Variants in COBLL1 observed in about 807,000 individuals in gnomAD.
The protein encoded by COBLL1 is cordon-bleu WH2 repeat protein like 1, also known as cordon-bleu protein-like 1.
A neutral mutation model predicts 94.8 loss-of-function variants in COBLL1; 50 were observed. The observed-to-expected ratio is 0.53, with a 90% CI of 0.42 to 0.67. COBLL1 has a LOEUF of 0.67. Ranked by LOEUF, COBLL1 falls within the 30% of genes least tolerant of loss-of-function variation. The pLI, the probability that COBLL1 is intolerant of heterozygous loss-of-function variation, is 0.00. For synonymous variants in COBLL1, 448 were observed against 473.8 expected, an observed-to-expected ratio of 0.95 and a Z score of 0.71; for missense variants, 1,362 against 1,348.7, an observed-to-expected ratio of 1.01 and a Z score of -0.15.
At chr2:164,659,456 C>A (rs972294296) in intron 2 of COBLL1, among the ~76,000 whole-genome samples, 1 of 152,326 alleles carries the variant, frequency 6.6e-6, no homozygotes, top group East Asian at 1.9e-4. Context: ...AAGAGTTGCA[C>A]AAGTGTGCAG....
chr2:164,790,181 G>T (rs1034998246), intron 2 of COBLL1, among the ~76,000 whole-genome samples: 3 of 152,118 alleles, frequency 2.0e-5, no homozygotes, highest in Admixed American at 1.3e-4. Context: ...AGAATGGCTG[G>T]CGCCCTCTCC....
rs73968247 is a variant in COBLL1, at chr2:164,761,615, A to G, written c.42-17740T>C. 6.9e-3 allele frequency among the ~76,000 whole-genome samples: 1,044 copies of G among 152,326 alleles called. 13 individuals are homozygous for G. Among genetic ancestry groups the G allele is most frequent in the African/African-American group, 0.023 (969 of 41,580 alleles). ...CAGGCGTCACATATTTAAAATGTCT[A>G]TTATAGGCCTTTATCTATGCTTTTA... is the stretch of plus-strand genomic sequence containing the variant. On this transcript the variant is annotated intron_variant, in intron 2 of 13. Transcript: ENST00000652658.
At chr2:164,705,130 A>G in intron 7 of COBLL1, 25 bp from the exon 8 acceptor site, 1 of 1,488,440 alleles carries the variant, frequency 6.7e-7, no homozygotes, top group Non-Finnish European at 8.9e-7. Context: ...GACCAAATAA[A>G]ATCCTACATT....
chr2:164,743,503 G>T, intron 3 of COBLL1, 184 bp downstream of exon 3: 1 of 556,884 alleles, frequency 1.8e-6, no homozygotes, highest in South Asian at 2.4e-5. Flanking sequence ...TCATAGCACT[G>T]ATATTAAAAC....
At chr2:164,823,174 A>G (rs976529227) in intron 2 of COBLL1, among the ~76,000 whole-genome samples, 15 of 152,182 alleles carry the variant, frequency 9.9e-5, no homozygotes, top group African/African-American at 3.6e-4. Flanking sequence ...AATAAGATTC[A>G]ATCATGTTTT....
intron 1 of COBLL1, among the ~76,000 whole-genome samples, chr2:164,669,923 G>A (rs1161773771): frequency 6.6e-6 from 1 of 152,140 alleles, no homozygotes; most frequent in African/African-American, 2.4e-5. Context: ...TTGTTGTTAC[G>A]TGAGAAACCT....
intron 7 of COBLL1, among the ~76,000 whole-genome samples, chr2:164,721,274 G>A (rs775005944): frequency 6.6e-6 from 1 of 152,046 alleles, no homozygotes; most frequent in Non-Finnish European, 1.5e-5. Flanking sequence ...TGCTCTCAAA[G>A]TTACTTAAAT....
Position 164,680,946 on chromosome 2 carries a change from C to T in COBLL1, c.*5000G>A, listed in dbSNP as rs1683012055. ...ACTATAGAGAAAGGGAGAGAATATACTTTTGCACTACGACTAAGAAAAAAA... is the reference window on the plus strand; with the variant it reads ...ACTATAGAGAAAGGGAGAGAATATATTTTTGCACTACGACTAAGAAAAAAA... On this transcript the variant is annotated 3_prime_UTR_variant, in exon 14 of 14. Coordinates refer to ENST00000652658, the MANE Select transcript of COBLL1 (RefSeq NM_001365672.2). The T allele has an allele frequency of 6.6e-6, 1 of 152,026 alleles. No homozygotes were observed. Among genetic ancestry groups the T allele is most frequent in the Non-Finnish European group, 1.5e-5 (1 of 67,988 alleles). The allele number at this position is 152,026 out of a possible 1,614,324, so 9.4% of individuals were successfully genotyped here. A position where few individuals can be genotyped will look rare whatever the true frequency, so the allele number is the denominator to read the frequency against.
intron 12 of COBLL1, 158 bp from the exon 13 acceptor site, chr2:164,692,555 G>T (rs1683674420): frequency 5.2e-6 from 3 of 581,622 alleles, no homozygotes; most frequent in East Asian, 3.1e-5. Context: ...AATTATCTCT[G>T]CTGCCAGAGC....
At chr2:164,763,665 A>G (rs12616012) in intron 2 of COBLL1, among the ~76,000 whole-genome samples, 8,978 of 152,322 alleles carry the variant, frequency 0.059, 301 homozygotes, top group East Asian at 0.14. Context: ...AAGATCGCAC[A>G]CATTCATGAC....
chr2:164,669,189 C>T (rs1194674727), intron 1 of COBLL1, among the ~76,000 whole-genome samples: 3 of 152,178 alleles, frequency 2.0e-5, no homozygotes, highest in African/African-American at 7.2e-5. Context: ...GGATTTTTAA[C>T]TTAGTTTGGA....
chr2:164,818,097 TAC>T (rs1181072489), intron 2 of COBLL1, among the ~76,000 whole-genome samples: 1 of 151,522 alleles, frequency 6.6e-6, no homozygotes. Flanking sequence ...TATATGTATA[TAC>T]ACACATATAT....
intron 2 of COBLL1, among the ~76,000 whole-genome samples, chr2:164,819,709 T>G (rs539837127): frequency 1.0e-3 from 155 of 152,324 alleles, no homozygotes; most frequent in African/African-American, 3.4e-3. Context: ...ATTTAAAATA[T>G]GCCCTTAGCT....
chr2:164,828,597 T>C (rs1005768170), intron 2 of COBLL1, among the ~76,000 whole-genome samples: 2 of 152,178 alleles, frequency 1.3e-5, no homozygotes, highest in Non-Finnish European at 2.9e-5. Context: ...GGAGAAATTA[T>C]ATACGTACAC....
In COBLL1 at chr2:164,806,985, G is replaced by A. The variant is rs562253853; in HGVS notation, c.41+34171C>T. On this transcript the variant is annotated intron_variant, in intron 2 of 13. Transcript: ENST00000652658. Reference sequence around the variant, plus strand: ...CCTTCCAAAGTGCTGGGATTATAGCGTGAGCCACCATGGCCGGCCTATATT... The same window carrying A: ...CCTTCCAAAGTGCTGGGATTATAGCATGAGCCACCATGGCCGGCCTATATT... Among the ~76,000 whole-genome samples, 601 of 152,178 alleles carry A rather than the reference G, an allele frequency of 3.9e-3. 7 individuals are homozygous for A. The highest frequency in any genetic ancestry group is 0.014 in the African/African-American group (563 of 41,512).
At chr2:164,838,775 A>G (rs1216269563) in intron 2 of COBLL1, among the ~76,000 whole-genome samples, 2 of 152,196 alleles carry the variant, frequency 1.3e-5, no homozygotes, top group Non-Finnish European at 2.9e-5. Flanking sequence ...TAAAGACTAA[A>G]CTAGGCTTCA....
At position 164,707,527 on chromosome 2, in the gene COBLL1, A is replaced by G. The variant is rs542563628; in HGVS notation, c.997-2422T>C. On this transcript the variant is annotated intron_variant, in intron 7 of 13. Coordinates refer to ENST00000652658, the MANE Select transcript of COBLL1 (RefSeq NM_001365672.2). ...GATTTATTTCTATGATGAGCATTTA[A>G]TTGCTCTCTAACATACTATACAGTT... is the stretch of plus-strand genomic sequence containing the variant. Among the ~76,000 whole-genome samples, 12 of 152,240 alleles carry G rather than the reference A, an allele frequency of 7.9e-5. No homozygotes were observed. In the South Asian group the frequency reaches 2.3e-3, roughly 29 times the overall value.
At chr2:164,686,269 C>A (rs1225000455) in intron 13 of COBLL1, among the ~76,000 whole-genome samples, 2 of 151,524 alleles carry the variant, frequency 1.3e-5, no homozygotes, top group Non-Finnish European at 2.9e-5. Flanking sequence ...TTAATCTGTA[C>A]AGAATTACCA....
rs772579561 is a variant in COBLL1 at position 164,703,148 on chromosome 2, A to T, written c.1225+1296T>A. 7 of 1,613,932 alleles carry T rather than the reference A, an allele frequency of 4.3e-6. No individual in the cohort carries two copies. In the South Asian group the frequency reaches 6.6e-5, roughly 15 times the overall value. On this transcript the variant is annotated intron_variant, in intron 9 of 13. Transcript: ENST00000652658. ...TGCCTCAGGTGTCCCAGGGCACTCAAAGACAGAGGTTTCCTCCATCAGTTT... is the reference window on the plus strand; with the variant it reads ...TGCCTCAGGTGTCCCAGGGCACTCATAGACAGAGGTTTCCTCCATCAGTTT...
Sources: gnomAD v4.1 joint callset for allele counts (sites outside exome capture counted in the v4.1 genomes callset) on GRCh38, gnomAD v4.1.1 for gene constraint, MANE v1.5 for transcripts, NCBI Gene and HGNC (gene_info 2026-07-23, HGNC 2026-07-21) for gene names.